Variants in STARD13 observed in about 807,000 individuals in gnomAD.
STARD13 encodes stAR-related lipid transfer protein 13.
STARD13 carries 62 observed loss-of-function variants against 106.4 expected under a neutral mutation model. The ratio of observed to expected loss-of-function variants is 0.58; its 90% CI spans 0.48 to 0.72. STARD13 has a LOEUF of 0.72. Among genes scored for constraint, STARD13 ranks in the 30% least tolerant of loss-of-function variants. The pLI is 0.00. For missense variants in STARD13, 1,387 were observed against 1,424.0 expected (o/e 0.97, Z 0.42); for synonymous variants, 565 against 553.0 (o/e 1.02, Z -0.31).
chr13:33,426,788 T>C, the STARD13 span, among the ~76,000 whole-genome samples: 1 of 152,224 alleles, frequency 6.6e-6, no homozygotes, highest in Non-Finnish European at 1.5e-5. Context: ...GAGGTCACAG[T>C]ACTCCTATTA....
chr13:33,650,550 A>G, the STARD13 span, among the ~76,000 whole-genome samples: 1 of 151,512 alleles, frequency 6.6e-6, no homozygotes, highest in African/African-American at 2.4e-5. Flanking sequence ...TTTAACTTAG[A>G]GAGATCTGAG....
chr13:33,201,247 T>G (rs1232979280), intron 1 of STARD13, among the ~76,000 whole-genome samples: 2 of 152,120 alleles, frequency 1.3e-5, no homozygotes, highest in African/African-American at 4.8e-5. Context: ...TAAGTATTAT[T>G]CCAAGAATTG....
the STARD13 span, among the ~76,000 whole-genome samples, chr13:33,609,105 A>AAAAAAAAAAAAAAAAAG: frequency 3.5e-3 from 461 of 133,048 alleles, 25 homozygotes; most frequent in African/African-American, 8.3e-3. Flanking sequence ...AAAAAAAAAA[A>AAAAAAAAAAAAAAAAAG]AAATATTGAT....
intron 1 of STARD13, among the ~76,000 whole-genome samples, chr13:33,261,209 G>A (rs1342911613): frequency 6.6e-6 from 1 of 152,196 alleles, no homozygotes; most frequent in East Asian, 1.9e-4. Context: ...AATGTCTGGA[G>A]ACATGTTTGG....
At chr13:33,415,219 G>T in the STARD13 span, among the ~76,000 whole-genome samples, 3 of 152,098 alleles carry the variant, frequency 2.0e-5, no homozygotes, top group African/African-American at 4.8e-5. Context: ...ATACAAAAAA[G>T]TAGCCGGGCG....
chr13:33,313,556 A>G (rs2874450), intron 1 of STARD13, among the ~76,000 whole-genome samples: 142,756 of 152,172 alleles, frequency 0.94, 67,631 homozygotes, highest in East Asian at 1. Context: ...CTTTTCTGGA[A>G]AGCATCCCAC....
the STARD13 span, among the ~76,000 whole-genome samples, chr13:33,580,107 A>G: frequency 6.6e-6 from 1 of 152,182 alleles, no homozygotes; most frequent in East Asian, 1.9e-4. Flanking sequence ...AAAAAACTGC[A>G]TGTGAGTATT....
the STARD13 span, among the ~76,000 whole-genome samples, chr13:33,498,213 G>A: frequency 1.3e-5 from 2 of 152,186 alleles, no homozygotes; most frequent in Non-Finnish European, 2.9e-5. Context: ...TAGAAGCACA[G>A]CATGACAACT....
At chr13:33,268,046 G>A (rs370368441) in intron 1 of STARD13, among the ~76,000 whole-genome samples, 3 of 152,156 alleles carry the variant, frequency 2.0e-5, no homozygotes, top group Non-Finnish European at 2.9e-5. Context: ...TTAAGAGTAG[G>A]CATTATCAAA....
At chr13:33,310,243 T>C (rs566538220) in intron 1 of STARD13, among the ~76,000 whole-genome samples, 1 of 152,322 alleles carries the variant, frequency 6.6e-6, no homozygotes, top group East Asian at 1.9e-4. Flanking sequence ...CTGGTGGTTC[T>C]TCCGGCTGTC....
chr13:33,464,024 C>CATACATATATATATATATAT, the STARD13 span, among the ~76,000 whole-genome samples: 1 of 112,536 alleles, frequency 8.9e-6, no homozygotes, highest in Non-Finnish European at 2.0e-5. Flanking sequence ...AAAAAAAATA[C>CATACATATATATATATATAT]ATATATATAT....
At chr13:33,585,944 G>A in the STARD13 span, among the ~76,000 whole-genome samples, 1 of 152,170 alleles carries the variant, frequency 6.6e-6, no homozygotes, top group Non-Finnish European at 1.5e-5. Context: ...CAGAGGGAAT[G>A]GAAAGTTACT....
upstream of STARD13, among the ~76,000 whole-genome samples, chr13:33,352,140 G>T (rs141580578): frequency 0.01 from 1,579 of 152,270 alleles, 35 homozygotes; most frequent in African/African-American, 0.035. Flanking sequence ...GATCAGAAAC[G>T]GACTTGAAAC....
Position 33,129,009 on chromosome 13 carries a change from T to A in STARD13, c.1668A>T (p.Thr556=). The A allele has an allele frequency of 3.1e-6, 5 of 1,614,128 alleles. No individual in the cohort carries two copies. In the South Asian group the frequency reaches 5.5e-5, roughly 18 times the overall value. The change falls in exon 5 of 14, where the codon ACA becomes ACT. Residue 556 remains threonine (T), a synonymous_variant. Coordinates refer to ENST00000336934, the MANE Select transcript of STARD13 (RefSeq NM_178006.4). ...CAGGAGGCTCAGATTCATTAAGAGATGTTACATCTCTTTCCACATCACTGG... is the reference window on the plus strand; with the variant it reads ...CAGGAGGCTCAGATTCATTAAGAGAAGTTACATCTCTTTCCACATCACTGG... ...TTPSDVERDV[T]SLNESEPPGV...
At chr13:33,251,415 A>G (rs17078879) in intron 1 of STARD13, among the ~76,000 whole-genome samples, 2 of 152,234 alleles carry the variant, frequency 1.3e-5, no homozygotes, top group Non-Finnish European at 2.9e-5. Context: ...AGGTTTACTA[A>G]AACAGTCTGC....
the STARD13 span, among the ~76,000 whole-genome samples, chr13:33,529,624 A>G: frequency 2.6e-5 from 4 of 152,198 alleles, no homozygotes; most frequent in Non-Finnish European, 5.9e-5. Flanking sequence ...AGACAGATCT[A>G]TCAAAAGGAT....
At chr13:33,357,755 C>A in the STARD13 span, among the ~76,000 whole-genome samples, 1 of 152,166 alleles carries the variant, frequency 6.6e-6, no homozygotes, top group African/African-American at 2.4e-5. Context: ...ACATATGAAA[C>A]CCCATCTCTA....
the STARD13 span, among the ~76,000 whole-genome samples, chr13:33,377,388 G>GT: frequency 6.6e-6 from 1 of 152,208 alleles, no homozygotes; most frequent in Non-Finnish European, 1.5e-5. Flanking sequence ...AGAGGTATGT[G>GT]TGTGACTTTA....
At chr13:33,499,520 T>TTCC in the STARD13 span, among the ~76,000 whole-genome samples, 157 of 48,560 alleles carry the variant, frequency 3.2e-3, 4 homozygotes, top group Non-Finnish European at 6.0e-3. Flanking sequence ...TCTTCTTTCT[T>TTCC]TCTTCTTCTT....
Sources: allele counts gnomAD v4.1 joint callset (sites outside exome capture counted in the v4.1 genomes callset), GRCh38; gene constraint gnomAD v4.1.1; transcripts MANE v1.5; gene names NCBI Gene and HGNC (gene_info 2026-07-23, HGNC 2026-07-21).